Variants in TBC1D12 observed in about 807,000 individuals in gnomAD.
TBC1D12 encodes TBC1 domain family, member 12.
TBC1D12 carries 56 observed loss-of-function variants against 86.7 expected under a neutral mutation model. The ratio of observed to expected loss-of-function variants is 0.65; its 90% CI spans 0.52 to 0.81. TBC1D12 has a LOEUF of 0.81. Among genes scored for constraint, TBC1D12 ranks in the 30% least tolerant of loss-of-function variants. TBC1D12 has a pLI of 0.00. For synonymous variants in TBC1D12, 421 were observed against 411.7 expected (o/e 1.02, Z -0.27); for missense variants, 1,023 against 1,038.8 (o/e 0.98, Z 0.21).
Position 94,487,005 on chromosome 10 carries a change from G to A in TBC1D12, c.1212-6360G>A, listed in dbSNP as rs955491443. The stretch of plus-strand genomic sequence containing the variant: ...GGTGCTCCAGTGTTGGGTGCATATA[G>A]ATTTACAATTGTTATATCCTCTTGC... On this transcript the variant is annotated intron_variant, in intron 3 of 12. Transcript: ENST00000225235. Among the ~76,000 whole-genome samples the A allele has an allele frequency of 1.2e-4, 18 of 152,050 alleles. No homozygotes were observed. In the East Asian group the frequency reaches 3.3e-3, roughly 28 times the overall value.
intron 1 of TBC1D12, among the ~76,000 whole-genome samples, chr10:94,429,403 T>A (rs984705984): frequency 6.6e-6 from 1 of 152,286 alleles, no homozygotes; most frequent in African/African-American, 2.4e-5. Flanking sequence ...AAACCCTACT[T>A]TTTTTGCATA....
chr10:94,413,187 G>T (rs2054949427), intron 1 of TBC1D12, among the ~76,000 whole-genome samples: 1 of 152,214 alleles, frequency 6.6e-6, no homozygotes, highest in African/African-American at 2.4e-5. Flanking sequence ...ATAGAGAACA[G>T]ATTCAAAATA....
At chr10:94,493,498 T>A in intron 4 of TBC1D12, 51 bp downstream of exon 4, 1 of 1,264,130 alleles carries the variant, frequency 7.9e-7, no homozygotes, top group South Asian at 1.3e-5. Context: ...AATAAGAAGA[T>A]GGATGGTAAA....
chr10:94,500,070 C>T (rs969425547), intron 5 of TBC1D12, 151 bp from the exon 6 acceptor site: 25 of 624,388 alleles, frequency 4.0e-5, no homozygotes, highest in East Asian at 9.2e-5. Flanking sequence ...CAAGCATGAA[C>T]GCAAAGAAAA....
rs1589604806 is a variant in TBC1D12, at chr10:94,421,226, T to C, written c.971+17642T>C. On this transcript the variant is annotated intron_variant, in intron 1 of 12. Transcript: ENST00000225235. ...CTCTGGTAACCACTATTCTACTCTC[T>C]ACTGCTATTAGTCTGACTTTTTTAG... 2.6e-5 allele frequency among the ~76,000 whole-genome samples: 4 copies of C among 152,292 alleles called. 1 individual carries two copies. The East Asian group carries it at 7.7e-4, about 29-fold the overall frequency.
At chr10:94,404,648 C>CAA (rs11365857) in intron 1 of TBC1D12, among the ~76,000 whole-genome samples, 62 of 125,772 alleles carry the variant, frequency 4.9e-4, no homozygotes, top group South Asian at 1.2e-3. Flanking sequence ...CTCCGTCTTT[C>CAA]AAAAAAAAAA....
Position 94,403,072 on chromosome 10 carries a change from C to T in TBC1D12, c.459C>T (p.Arg153=), listed in dbSNP as rs1344010029. The stretch of plus-strand genomic sequence containing the variant: ...ACTGTCGCGATCTGGAAGAGGCTCG[C>T]GGGCTGGCGCGCGCCGGCGGCCGGG... The part of the protein sequence containing the change: ...GRDCRDLEEA[R]GLARAGGRES... The change falls in exon 1 of 13, where the codon CGC becomes CGT. Residue 153 remains arginine, a synonymous_variant. Transcript: ENST00000225235. 2.7e-6 allele frequency: 4 copies of T among 1,468,192 alleles called. No homozygotes were observed. Among genetic ancestry groups the T allele is most frequent in the African/African-American group, 1.5e-5 (1 of 67,788 alleles). The allele number at this position is 1,468,192 out of a possible 1,614,324, so 90.9% of individuals were successfully genotyped here. A position where few individuals can be genotyped will look rare whatever the true frequency, so the allele number is the denominator to read the frequency against.
At chr10:94,458,107 C>A (rs11187960) in intron 2 of TBC1D12, among the ~76,000 whole-genome samples, 12 of 151,894 alleles carry the variant, frequency 7.9e-5, no homozygotes, top group African/African-American at 2.9e-4. Context: ...GAAAGGCAAT[C>A]CCCACTGTGG....
intron 1 of TBC1D12, among the ~76,000 whole-genome samples, chr10:94,430,136 C>T (rs1047591800): frequency 6.6e-6 from 1 of 152,198 alleles, no homozygotes; most frequent in Non-Finnish European, 1.5e-5. Flanking sequence ...AGCAGTCCTC[C>T]TTCAGCCGCC....
intron 5 of TBC1D12, 55 bp downstream of exon 5, chr10:94,497,227 C>CTTTT: frequency 1.3e-6 from 1 of 757,302 alleles, no homozygotes. Flanking sequence ...TCTCATGTTT[C>CTTTT]TTTTTTTTTT....
At chr10:94,438,565 G>A (rs1020421512) in intron 1 of TBC1D12, among the ~76,000 whole-genome samples, 15 of 152,038 alleles carry the variant, frequency 9.9e-5, no homozygotes, top group Admixed American at 4.6e-4. Flanking sequence ...TCCTGGCACC[G>A]GTTAGCAACT....
At chr10:94,495,686 G>T (rs557667147) in intron 4 of TBC1D12, among the ~76,000 whole-genome samples, 47 of 152,120 alleles carry the variant, frequency 3.1e-4, no homozygotes, top group African/African-American at 1.1e-3. Context: ...TGAGAGGCAG[G>T]TCAGCTTAAT....
In TBC1D12 at chr10:94,507,299, G is replaced by A. The variant is rs764005904; in HGVS notation, c.1552G>A (p.Glu518Lys). 3.1e-6 allele frequency: 5 copies of A among 1,610,308 alleles called. No individual in the cohort carries two copies. The East Asian group carries it at 8.9e-5, about 29-fold the overall frequency. The change falls in exon 7 of 13, where the codon GAA becomes AAA. Residue 518 changes from glutamate to lysine, a missense_variant. Physicochemically the swap from Glu to Lys is moderately conservative, Grantham distance 56. This residue lies in a region of TBC1D12 where 395 missense variants were observed against 507.7 expected (regional missense o/e 0.78). Transcript: ENST00000225235. ...LYEIFLSRAKERWKSFSETSS... is the reference protein window; with the variant it reads ...LYEIFLSRAKKRWKSFSETSS... Reference sequence around the variant, plus strand: ...TGAAATCTTCCTCTCAAGAGCAAAAGAACGGTGGAAAAGTTTCAGTGAAAC... The same window carrying A: ...TGAAATCTTCCTCTCAAGAGCAAAAAAACGGTGGAAAAGTTTCAGTGAAAC...
chr10:94,531,895 T>TGTTATGTTAC (rs1554951751), intron 12 of TBC1D12, among the ~76,000 whole-genome samples: 3 of 151,232 alleles, frequency 2.0e-5, no homozygotes, highest in Non-Finnish European at 4.4e-5. Flanking sequence ...TGTTATGTTA[T>TGTTATGTTAC]GTTATGTTAT....
At chr10:94,440,700 T>C (rs2055368675) in intron 1 of TBC1D12, among the ~76,000 whole-genome samples, 1 of 152,222 alleles carries the variant, frequency 6.6e-6, no homozygotes, top group South Asian at 2.1e-4. Context: ...TTATAGCTTA[T>C]GCAAAGGGTT....
intron 1 of TBC1D12, among the ~76,000 whole-genome samples, chr10:94,407,166 G>T (rs745760211): frequency 2.4e-4 from 37 of 152,124 alleles, no homozygotes; most frequent in Non-Finnish European, 5.1e-4. Flanking sequence ...TAGATATATA[G>T]GAAAAACAGG....
chr10:94,459,839 G>GT (rs1253510165), intron 2 of TBC1D12, among the ~76,000 whole-genome samples: 1 of 152,154 alleles, frequency 6.6e-6, no homozygotes, highest in Non-Finnish European at 1.5e-5. Context: ...GCACTGGCCC[G>GT]TGAGTGCCGC....
Position 94,506,688 on chromosome 10 carries a change from A to G in TBC1D12, c.1520-579A>G, listed in dbSNP as rs573675658. On this transcript the variant is annotated intron_variant, in intron 6 of 12. Transcript: ENST00000225235. ...GGTAGAGATTTTGTTTGTTGGTGAC[A>G]CACACCAAGTCTGTGTGAAATATAA... 1.1e-4 allele frequency among the ~76,000 whole-genome samples: 16 copies of G among 152,342 alleles called. 1 individual carries two copies. Among genetic ancestry groups the G allele is most frequent in the Admixed American group, 1.0e-3 (16 of 15,298 alleles).
intron 5 of TBC1D12, 82 bp from the exon 6 acceptor site, chr10:94,500,139 A>G (rs2056375244): frequency 8.1e-7 from 1 of 1,238,330 alleles, no homozygotes; most frequent in Non-Finnish European, 1.1e-6. Flanking sequence ...ACTTGGCCAT[A>G]GACTAAAGAT....
Sources: allele counts gnomAD v4.1 joint callset (sites outside exome capture counted in the v4.1 genomes callset), GRCh38; gene constraint gnomAD v4.1.1; regional missense constraint gnomAD v4.1.1; transcripts MANE v1.5; gene names NCBI Gene and HGNC (gene_info 2026-07-23, HGNC 2026-07-21).